MYO1D: variants seen among roughly 807,000 people sequenced by gnomAD.
The protein encoded by MYO1D is unconventional myosin-Id.
In MYO1D, 83 loss-of-function variants were observed where a neutral mutation model predicts 122.0. That is an observed-to-expected ratio of 0.68 (90% CI 0.57 to 0.82). The LOEUF (loss-of-function observed/expected upper bound fraction) is 0.82, where lower values mean the gene tolerates loss of function less well. Ranked by LOEUF, MYO1D falls within the 40% of genes least tolerant of loss-of-function variation. The pLI, the probability that MYO1D is intolerant of heterozygous loss-of-function variation, is 0.00. For synonymous variants in MYO1D, 464 were observed against 446.9 expected, an observed-to-expected ratio of 1.04 and a Z score of -0.48; for missense variants, 1,157 against 1,269.5, an observed-to-expected ratio of 0.91 and a Z score of 1.35.
chr17:32,791,949 T>G (rs999838913), intron 1 of MYO1D, among the ~76,000 whole-genome samples: 3 of 152,234 alleles, frequency 2.0e-5, no homozygotes, highest in African/African-American at 7.2e-5. Context: ...GTTGTTGTTT[T>G]TGAATGAATG....
At chr17:32,802,060 G>T (rs2090465747) in intron 1 of MYO1D, among the ~76,000 whole-genome samples, 1 of 152,314 alleles carries the variant, frequency 6.6e-6, no homozygotes, top group African/African-American at 2.4e-5. Flanking sequence ...CTTGTACCCT[G>T]ACCAGCCTTC....
intron 13 of MYO1D, among the ~76,000 whole-genome samples, chr17:32,740,908 T>A (rs926973710): frequency 6.6e-6 from 1 of 152,098 alleles, no homozygotes; most frequent in Non-Finnish European, 1.5e-5. Context: ...AAGACAGCAG[T>A]AAAGAGTAAA....
Position 32,653,908 on chromosome 17 carries a change from C to G in MYO1D, c.2530G>C (p.Val844Leu). 1 of 1,613,900 alleles carries G rather than the reference C, an allele frequency of 6.2e-7. No individual in the cohort carries two copies. ...TCCTTCCGTTTCAATTCATTAGCAACAGGGACAAAAGTGCCTGAGGTCTGA... is the reference window on the plus strand; with the variant it reads ...TCCTTCCGTTTCAATTCATTAGCAAGAGGGACAAAAGTGCCTGAGGTCTGA... ...TPQTSGTFVP[V>L]ANELKRKDKY... The change falls in exon 19 of 22, where the codon GTT becomes CTT. Residue 844 changes from valine (V) to leucine (L), a missense_variant. Coordinates refer to ENST00000318217, the MANE Select transcript of MYO1D (RefSeq NM_015194.3).
intron 1 of MYO1D, among the ~76,000 whole-genome samples, chr17:32,786,887 A>G (rs2090301681): frequency 6.6e-6 from 1 of 151,776 alleles, no homozygotes; most frequent in South Asian, 2.1e-4. Flanking sequence ...AGAAGAAAAG[A>G]AAAAAAAAGT....
At chr17:32,496,702 T>G (rs535247416) in intron 21 of MYO1D, among the ~76,000 whole-genome samples, 7 of 152,282 alleles carry the variant, frequency 4.6e-5, no homozygotes, top group Middle Eastern at 3.4e-3. Flanking sequence ...CACTGGACTC[T>G]TGTCCTCTGG....
intron 16 of MYO1D, among the ~76,000 whole-genome samples, chr17:32,685,512 A>G (rs557855815): frequency 6.6e-6 from 1 of 152,320 alleles, no homozygotes; most frequent in East Asian, 1.9e-4. Flanking sequence ...CATGGAATCC[A>G]CTGTTTAACT....
At chr17:32,841,259 G>A (rs1399069322) in intron 1 of MYO1D, among the ~76,000 whole-genome samples, 1 of 152,084 alleles carries the variant, frequency 6.6e-6, no homozygotes. Flanking sequence ...TTGAGCCCAG[G>A]AGTTCAAGAC....
At chr17:32,501,020 AAAAG>A (rs1366355870) in intron 21 of MYO1D, among the ~76,000 whole-genome samples, 20 of 152,158 alleles carry the variant, frequency 1.3e-4, no homozygotes, top group Admixed American at 3.3e-4. Flanking sequence ...AAAAAAAAAA[AAAAG>A]AAAATGTGGA....
At chr17:32,576,014 A>G (rs189921972) in intron 21 of MYO1D, among the ~76,000 whole-genome samples, 2 of 152,284 alleles carry the variant, frequency 1.3e-5, no homozygotes, top group East Asian at 3.9e-4. Context: ...GAACCTCAAA[A>G]CCACTAAAAG....
intron 17 of MYO1D, among the ~76,000 whole-genome samples, chr17:32,657,205 T>C (rs2088489184): frequency 6.6e-6 from 1 of 152,230 alleles, no homozygotes; most frequent in Admixed American, 6.5e-5. Context: ...GAAACATGAT[T>C]AGATGCACAT....
intron 16 of MYO1D, among the ~76,000 whole-genome samples, chr17:32,706,351 G>GC (rs2089308512): frequency 6.6e-6 from 1 of 152,092 alleles, no homozygotes; most frequent in African/African-American, 2.4e-5. Context: ...CAAGTGATCT[G>GC]CCCACCTCAG....
intron 14 of MYO1D, among the ~76,000 whole-genome samples, chr17:32,725,857 A>C (rs914809430): frequency 5.3e-5 from 8 of 152,188 alleles, no homozygotes; most frequent in Non-Finnish European, 1.2e-4. Flanking sequence ...AGAGGGAAAA[A>C]AAAGATTACC....
At chr17:32,620,669 T>G (rs1381962662) in intron 20 of MYO1D, among the ~76,000 whole-genome samples, 3 of 152,228 alleles carry the variant, frequency 2.0e-5, no homozygotes, top group Non-Finnish European at 4.4e-5. Context: ...TTAGCTGTAT[T>G]CAGTGAGACA....
intron 16 of MYO1D, among the ~76,000 whole-genome samples, chr17:32,665,490 CA>C (rs1203589881): frequency 3.3e-5 from 5 of 152,236 alleles, no homozygotes. Context: ...TTGAATCTTT[CA>C]CTTCGGCTGT....
intron 20 of MYO1D, among the ~76,000 whole-genome samples, chr17:32,635,692 C>T (rs903660280): frequency 5.3e-5 from 8 of 151,964 alleles, no homozygotes; most frequent in African/African-American, 1.5e-4. Context: ...GACTCCGTCT[C>T]GGGTGGCGGG....
At chr17:32,579,361 G>A (rs966987729) in intron 21 of MYO1D, among the ~76,000 whole-genome samples, 9 of 152,136 alleles carry the variant, frequency 5.9e-5, no homozygotes, top group Non-Finnish European at 1.3e-4. Context: ...GGGCAACCAC[G>A]TCCAGCCCAA....
intron 20 of MYO1D, among the ~76,000 whole-genome samples, chr17:32,631,067 A>C (rs1267194993): frequency 1.3e-5 from 2 of 152,208 alleles, no homozygotes; most frequent in Non-Finnish European, 2.9e-5. Flanking sequence ...CTCCAAATAC[A>C]GTCACTTTCT....
intron 3 of MYO1D, among the ~76,000 whole-genome samples, chr17:32,777,030 GA>G (rs1011257235): frequency 4.6e-5 from 7 of 152,048 alleles, no homozygotes; most frequent in African/African-American, 1.5e-4. Flanking sequence ...TGTGTGGGGG[GA>G]AACTGCTTGT....
chr17:32,688,461 T>G (rs1285412487), intron 16 of MYO1D, among the ~76,000 whole-genome samples: 8 of 152,180 alleles, frequency 5.3e-5, no homozygotes, highest in Non-Finnish European at 1.0e-4. Flanking sequence ...CACATACAAC[T>G]GACAAATGGG....
Sources: allele counts gnomAD v4.1 joint callset (sites outside exome capture counted in the v4.1 genomes callset), GRCh38; gene constraint gnomAD v4.1.1; transcripts MANE v1.5; gene names NCBI Gene and HGNC (gene_info 2026-07-23, HGNC 2026-07-21).